TRPM2: variants seen among roughly 807,000 people sequenced by gnomAD.
The protein encoded by TRPM2 is transient receptor potential cation channel subfamily M member 2, also known as estrogen-responsive element-associated gene 1 protein.
Under a neutral mutation model 174.0 loss-of-function variants are expected in TRPM2, and 161 were observed. The observed-to-expected ratio is 0.93, with a 90% CI of 0.81 to 1.05. TRPM2 has a LOEUF of 1.05. Among genes scored for constraint, TRPM2 ranks in the 50% least tolerant of loss-of-function variants. The pLI, the probability that TRPM2 is intolerant of heterozygous loss-of-function variation, is 0.00. For synonymous variants in TRPM2, 954 were observed against 861.3 expected, an observed-to-expected ratio of 1.11 and a Z score of -1.88; for missense variants, 2,057 against 2,038.0, an observed-to-expected ratio of 1.01 and a Z score of -0.18.
At position 44,442,216 on chromosome 21, in the gene TRPM2, T is replaced by A; in HGVS notation, c.*399T>A. 6.1e-6 allele frequency: 1 copy of A among 165,282 alleles called. No homozygotes were observed. The highest frequency in any genetic ancestry group is 1.3e-5 in the Non-Finnish European group (1 of 77,108). 10.2% of individuals were successfully genotyped at this position (165,282 alleles called of 1,614,324 possible). A position where few individuals can be genotyped will look rare whatever the true frequency, so the allele number is the denominator to read the frequency against. Reference sequence around the variant, plus strand: ...AGTTCCCCGGAGAGTCGGGGTCCCCTGTGGCCCCCTCAGGCCTATGTCTGT... The same window carrying A: ...AGTTCCCCGGAGAGTCGGGGTCCCCAGTGGCCCCCTCAGGCCTATGTCTGT... On this transcript the variant is annotated 3_prime_UTR_variant, in exon 32 of 32. Coordinates refer to ENST00000397928, the MANE Select transcript of TRPM2 (RefSeq NM_003307.4).
chr21:44,402,033 C>T (rs1244804779), intron 16 of TRPM2, 136 bp downstream of exon 16: 1 of 1,033,708 alleles, frequency 9.7e-7, no homozygotes, highest in East Asian at 2.4e-5. Flanking sequence ...GCCGGTGTTT[C>T]CTCCCCAAAA....
chr21:44,377,895 CAGA>C lies in TRPM2; in HGVS notation c.1014+129_1014+131del, dbSNP rs577802579. 347 of 1,153,282 alleles carry C rather than the reference CAGA, an allele frequency of 3.0e-4. 1 individual carries two copies. In the African/African-American group the frequency reaches 4.2e-3, roughly 14 times the overall value. The allele number at this position is 1,153,282 out of a possible 1,614,324, so 71.4% of individuals were successfully genotyped here. On this transcript the variant is annotated intron_variant, in intron 7 of 31. Transcript: ENST00000397928. ...GCAAGAGGGCGATGAGCTTTCCCACCAGAAGAAGAGAAAGAGCATCTACGCTGT... is the reference window on the plus strand; with the variant it reads ...GCAAGAGGGCGATGAGCTTTCCCACCAGAAGAGAAAGAGCATCTACGCTGT...
chr21:44,418,874 C>G (rs373062845), intron 22 of TRPM2, among the ~76,000 whole-genome samples: 1 of 152,188 alleles, frequency 6.6e-6, no homozygotes, highest in Admixed American at 6.5e-5. Flanking sequence ...CATGTGCACA[C>G]GGGGTCCAGG....
In TRPM2 at chr21:44,400,376, T is replaced by C. The variant is rs1167140539; in HGVS notation, c.2321+5T>C. The C allele has an allele frequency of 1.2e-6, 2 of 1,609,106 alleles. No homozygotes were observed. Among genetic ancestry groups the C allele is most frequent in the East Asian group, 2.2e-5 (1 of 44,842 alleles). On this transcript the variant is annotated splice_donor_5th_base_variant and intron_variant, in intron 15 of 31. Coordinates refer to ENST00000397928, the MANE Select transcript of TRPM2 (RefSeq NM_003307.4). The stretch of plus-strand genomic sequence containing the variant: ...CACCGGCCTCATCTCCTTCAGGTGC[T>C]GCAGGGCTGCGGGGCTGCGGGACTG...
intron 3 of TRPM2, among the ~76,000 whole-genome samples, chr21:44,365,398 C>A (rs1361999347): frequency 6.6e-6 from 1 of 152,234 alleles, no homozygotes; most frequent in African/African-American, 2.4e-5. Flanking sequence ...TTGAGTGGGG[C>A]AGGTCCCGGA....
rs199676109 is a variant in TRPM2, at chr21:44,369,351, C to T, written c.771+8C>T. ...GGCCTGATCCATCCCACGGTGAGTG[C>T]GGCCCCCTAGGGAGGGGAGCCTAAG... On this transcript the variant is annotated splice_region_variant and intron_variant, in intron 5 of 31. Coordinates refer to ENST00000397928, the MANE Select transcript of TRPM2 (RefSeq NM_003307.4). 3 of 1,603,330 alleles carry T rather than the reference C, an allele frequency of 1.9e-6. No homozygotes were observed. The highest frequency in any genetic ancestry group is 2.6e-6 in the Non-Finnish European group (3 of 1,173,106).
intron 19 of TRPM2, among the ~76,000 whole-genome samples, chr21:44,413,102 C>T (rs1612472): frequency 0.71 from 107,356 of 151,862 alleles, 38,477 homozygotes; most frequent in East Asian, 0.77. Context: ...GCACGCAGGA[C>T]GCTATTTTTC....
upstream of TRPM2, among the ~76,000 whole-genome samples, chr21:44,351,865 C>G (rs2122922060): frequency 4.5e-4 from 69 of 152,352 alleles, no homozygotes; most frequent in Non-Finnish European, 8.5e-4. Flanking sequence ...GAGGAACCTG[C>G]ACAAGACCCC....
At position 44,353,691 on chromosome 21, in the gene TRPM2, G is replaced by A. The variant is rs539738528; in HGVS notation, c.-10G>A. 272 of 1,486,604 alleles carry A rather than the reference G, an allele frequency of 1.8e-4. No individual in the cohort carries two copies. Among genetic ancestry groups the A allele is most frequent in the South Asian group, 1.4e-3 (104 of 74,530 alleles). 92.1% of individuals were successfully genotyped at this position (1,486,604 alleles called of 1,614,324 possible). On this transcript the variant is annotated 5_prime_UTR_variant, in exon 1 of 32. Transcript: ENST00000397928. ...GCAGGCCTGGTTGCAGCTGGCGTGGGGGTCTCAGAATGGAGCCCTCAGCCC... is the reference window on the plus strand; with the variant it reads ...GCAGGCCTGGTTGCAGCTGGCGTGGAGGTCTCAGAATGGAGCCCTCAGCCC...
chr21:44,372,900 T>C (rs2048580495), intron 5 of TRPM2, among the ~76,000 whole-genome samples: 1 of 152,220 alleles, frequency 6.6e-6, no homozygotes, highest in Non-Finnish European at 1.5e-5. Flanking sequence ...TTTAGTCTGC[T>C]TGAAGATTTT....
rs2048687073 is a variant in TRPM2 at position 44,375,969 on chromosome 21, C to G, written c.908C>G (p.Thr303Ser). The G allele has an allele frequency of 1.2e-6, 2 of 1,614,032 alleles. No homozygotes were observed. The highest frequency in any genetic ancestry group is 4.5e-5 in the East Asian group (2 of 44,886). The change falls in exon 6 of 32, where the codon ACC becomes AGC. Residue 303 changes from threonine to serine, a missense_variant. Physicochemically the swap from Thr to Ser is moderately conservative, Grantham distance 58. Transcript: ENST00000397928. Reference sequence around the variant, plus strand: ...TACGGGGTGGAGATTCCTCTGAGGACCAGGCTGGAGAAGTTCATATCGGAG... The same window carrying G: ...TACGGGGTGGAGATTCCTCTGAGGAGCAGGCTGGAGAAGTTCATATCGGAG... Reference protein sequence around the residue: ...GQYGVEIPLRTRLEKFISEQT... With the variant: ...GQYGVEIPLRSRLEKFISEQT...
At chr21:44,423,577 A>AG in intron 22 of TRPM2, 68 bp from the exon 23 acceptor site, 1 of 1,367,224 alleles carries the variant, frequency 7.3e-7, no homozygotes, top group Non-Finnish European at 1.0e-6. Context: ...GGCTGTCTGC[A>AG]GAGCGGTGTG....
Position 44,366,715 on chromosome 21 carries a change from G to A in TRPM2, c.424-39G>A. The A allele has an allele frequency of 6.2e-7, 1 of 1,612,600 alleles. No individual in the cohort carries two copies. Among genetic ancestry groups the A allele is most frequent in the Non-Finnish European group, 8.5e-7 (1 of 1,179,848 alleles). ...TGGGTCGGTGCTGTCCCTGACCACT[G>A]ACACACAGGTTCCCTCCGCCGTTTT... On this transcript the variant is annotated intron_variant, in intron 3 of 31. Coordinates refer to ENST00000397928, the MANE Select transcript of TRPM2 (RefSeq NM_003307.4). This position sits in a 1 kb window ranked among gnomAD's most constrained non-coding sequence, Gnocchi z 6.0.
chr21:44,441,955 C>T lies in TRPM2; in HGVS notation c.*138C>T. 7.9e-7 allele frequency: 1 copy of T among 1,272,682 alleles called. No homozygotes were observed. The highest frequency in any genetic ancestry group is 1.0e-6 in the Non-Finnish European group (1 of 976,646). 78.8% of individuals were successfully genotyped at this position (1,272,682 alleles called of 1,614,324 possible). On this transcript the variant is annotated 3_prime_UTR_variant, in exon 32 of 32. Transcript: ENST00000397928. ...GGGGTTTGGTGGACCCAGTGCCCCT[C>T]ACGGCTGCCGCAAGTCTGCTGCAGA...
rs1192997379 is a variant in TRPM2 at position 44,424,931 on chromosome 21, C to T, written c.3629C>T (p.Pro1210Leu). The T allele has an allele frequency of 1.2e-6, 2 of 1,602,824 alleles. No homozygotes were observed. Among genetic ancestry groups the T allele is most frequent in the Middle Eastern group, 1.9e-4 (1 of 5,138 alleles). ...ASGFSSEADV[P>L]TLASQKAAEE... ...GGCTTCAGCTCGGAGGCGGACGTCC[C>T]CACTCTGGGTGAGTGGGTGGCCAGG... Residue 1210 changes from proline to leucine, a missense_variant, in exon 24 of 32, where the codon CCC becomes CTC. Pro to Leu is a moderately conservative substitution (Grantham distance 98, BLOSUM62 -3). Coordinates refer to ENST00000397928, the MANE Select transcript of TRPM2 (RefSeq NM_003307.4).
intron 19 of TRPM2, among the ~76,000 whole-genome samples, chr21:44,411,044 G>A (rs999591452): frequency 6.6e-6 from 1 of 151,782 alleles, no homozygotes; most frequent in South Asian, 2.1e-4. Context: ...GCGTAGCCTT[G>A]TAGTAAGTTT....
At chr21:44,425,289 A>T (rs1359512867) in intron 24 of TRPM2, 2 of 388,062 alleles carry the variant, frequency 5.2e-6, no homozygotes, top group Non-Finnish European at 9.3e-6. Flanking sequence ...GACGAGAAGC[A>T]AAGTCTGTTT....
intron 6 of TRPM2, 25 bp from the exon 7 acceptor site, chr21:44,377,687 T>G: frequency 6.2e-7 from 1 of 1,613,910 alleles, no homozygotes; most frequent in Non-Finnish European, 8.5e-7. Context: ...GGTGTGGCCC[T>G]CACTCGGCTG....
chr21:44,362,777 G>GT (rs112803127), intron 2 of TRPM2, among the ~76,000 whole-genome samples: 1,885 of 151,514 alleles, frequency 0.012, 43 homozygotes, highest in African/African-American at 0.041. Context: ...TTTCTGAGGT[G>GT]TTTTTTTTGT....
Sources: allele counts gnomAD v4.1 joint callset (sites outside exome capture counted in the v4.1 genomes callset), GRCh38; gene constraint gnomAD v4.1.1; non-coding constraint Gnocchi (gnomAD v3.1); transcripts MANE v1.5; gene names NCBI Gene and HGNC (gene_info 2026-07-23, HGNC 2026-07-21).